EHHADH: variants seen among roughly 807,000 people sequenced by gnomAD.
EHHADH encodes enoyl-CoA hydratase and 3-hydroxyacyl CoA dehydrogenase, also known as peroxisomal bifunctional enzyme.
In EHHADH, 48 loss-of-function variants were observed where a neutral mutation model predicts 64.4. That is an observed-to-expected ratio of 0.75 (90% CI 0.59 to 0.95). The LOEUF is 0.95. EHHADH is among the 40% of genes least tolerant of loss of function. The pLI, the probability that EHHADH is intolerant of heterozygous loss-of-function variation, is 0.00. For missense variants in EHHADH, 854 were observed against 876.6 expected (o/e 0.97, Z 0.33); for synonymous variants, 308 against 326.7 (o/e 0.94, Z 0.62).
chr3:185,249,033 G>A (rs1719672121), intron 1 of EHHADH, among the ~76,000 whole-genome samples: 1 of 152,224 alleles, frequency 6.6e-6, no homozygotes, highest in Non-Finnish European at 1.5e-5. Flanking sequence ...TCTAGGAGCT[G>A]TGGCGGGGGC....
intron 3 of EHHADH, among the ~76,000 whole-genome samples, chr3:185,231,679 C>T (rs1485444600): frequency 1.8e-4 from 27 of 149,662 alleles, no homozygotes; most frequent in African/African-American, 6.1e-4. Flanking sequence ...ACATGCTAAA[C>T]AAAAAAAGCC....
At position 185,245,946 on chromosome 3, in the gene EHHADH, C is replaced by T. The variant is rs1277712571; in HGVS notation, c.178+2468G>A. The T allele has an allele frequency of 4.7e-6, 7 of 1,482,548 alleles. No homozygotes were observed. In the Admixed American group the frequency reaches 1.2e-4, roughly 25 times the overall value. The allele number at this position is 1,482,548 out of a possible 1,614,324, so 91.8% of individuals were successfully genotyped here. On this transcript the variant is annotated intron_variant, in intron 2 of 6. Transcript: ENST00000231887. The stretch of plus-strand genomic sequence containing the variant: ...TATGTGTAGTCTCCTTCTGAGCCTG[C>T]CCAAGCAGGGCCTGTCTGATTACTG...
intron 1 of EHHADH, among the ~76,000 whole-genome samples, chr3:185,249,294 A>G (rs1373956278): frequency 6.6e-6 from 1 of 152,012 alleles, no homozygotes; most frequent in Non-Finnish European, 1.5e-5. Flanking sequence ...ACGTCCGGCT[A>G]ATTTTTTGTA....
At chr3:185,245,777 T>C in intron 2 of EHHADH, 2 of 713,898 alleles carry the variant, frequency 2.8e-6, no homozygotes, top group South Asian at 1.6e-5. Flanking sequence ...TTTACAGATA[T>C]CTGTAAAGTT....
chr3:185,202,993 G>C (rs913841458), intron 6 of EHHADH, among the ~76,000 whole-genome samples: 4 of 151,042 alleles, frequency 2.6e-5, no homozygotes, highest in African/African-American at 9.8e-5. Flanking sequence ...AGGAAGGGGA[G>C]GGGGGGATGG....
At chr3:185,198,317 C>T (rs142989449) in intron 6 of EHHADH, among the ~76,000 whole-genome samples, 3,901 of 152,122 alleles carry the variant, frequency 0.026, 151 homozygotes, top group African/African-American at 0.09. Context: ...CTCCCGAGTT[C>T]AAGCGATTCT....
chr3:185,221,448 T>A (rs756411561), intron 4 of EHHADH, among the ~76,000 whole-genome samples: 1 of 152,202 alleles, frequency 6.6e-6, no homozygotes, highest in African/African-American at 2.4e-5. Context: ...TAACTTGATT[T>A]ATTGAAGGAA....
chr3:185,192,155 G>T lies in EHHADH; in HGVS notation c.*71C>A, dbSNP rs935897134. The T allele has an allele frequency of 1.4e-5, 21 of 1,474,904 alleles. No homozygotes were observed. Among genetic ancestry groups the T allele is most frequent in the Middle Eastern group, 1.8e-4 (1 of 5,568 alleles). 91.4% of individuals were successfully genotyped at this position (1,474,904 alleles called of 1,614,324 possible). A position where few individuals can be genotyped will look rare whatever the true frequency, so the allele number is the denominator to read the frequency against. On this transcript the variant is annotated 3_prime_UTR_variant, in exon 7 of 7. Coordinates refer to ENST00000231887, the MANE Select transcript of EHHADH (RefSeq NM_001966.4). ...CAGAACAATCTTACTTTGGATTTTT[G>T]ATTTAATTTCACTGAAATTCAGTCA...
chr3:185,245,895 T>C (rs536763304), intron 2 of EHHADH: 50 of 1,185,044 alleles, frequency 4.2e-5, no homozygotes, highest in Non-Finnish European at 6.2e-5. Flanking sequence ...CTCATGATGT[T>C]GAACACACAA....
intron 5 of EHHADH, among the ~76,000 whole-genome samples, chr3:185,208,122 A>AAAG (rs1338842559): frequency 6.6e-6 from 1 of 152,200 alleles, no homozygotes; most frequent in Non-Finnish European, 1.5e-5. Flanking sequence ...TGCCCTCTCA[A>AAAG]ATTGGTCACT....
In EHHADH at chr3:185,226,860, T is replaced by A. The variant is rs975895094; in HGVS notation, c.463+2572A>T. On this transcript the variant is annotated intron_variant, in intron 4 of 6. Transcript: ENST00000231887. ...CTGAGAGTCATCTCACTTTGAAAGC[T>A]GTGGGGAAAAGGACATTTTTGAATT... is the stretch of plus-strand genomic sequence containing the variant. 1.8e-4 allele frequency: 27 copies of A among 152,108 alleles called. 1 individual carries two copies. The highest frequency in any genetic ancestry group is 7.2e-4 in the Admixed American group (11 of 15,282). 9.4% of individuals were successfully genotyped at this position (152,108 alleles called of 1,614,324 possible). A position where few individuals can be genotyped will look rare whatever the true frequency, so the allele number is the denominator to read the frequency against.
intron 4 of EHHADH, among the ~76,000 whole-genome samples, chr3:185,221,551 C>T (rs1718831896): frequency 6.7e-6 from 1 of 150,052 alleles, no homozygotes. Flanking sequence ...ATTTTTAATG[C>T]ATATAGCCTC....
chr3:185,230,627 A>C (rs1719126064), intron 3 of EHHADH, among the ~76,000 whole-genome samples: 1 of 146,294 alleles, frequency 6.8e-6, no homozygotes, highest in South Asian at 2.3e-4. Context: ...CATGCTAAAC[A>C]AAAAAAGCCA....
chr3:185,207,146 C>T (rs979005223), intron 5 of EHHADH, among the ~76,000 whole-genome samples: 12 of 151,772 alleles, frequency 7.9e-5, no homozygotes, highest in Non-Finnish European at 1.2e-4. Flanking sequence ...AAAAATTAGC[C>T]GGGCATGGTG....
At position 185,229,503 on chromosome 3, in the gene EHHADH, G is replaced by C. The variant is rs1719096756; in HGVS notation, c.392C>G (p.Pro131Arg). The change falls in exon 4 of 7, where the codon CCT (proline) becomes CGT (arginine). Residue 131 changes from proline (P) to arginine (R), a missense_variant. By Grantham distance (103) the Pro-to-Arg change is moderately radical. Coordinates refer to ENST00000231887, the MANE Select transcript of EHHADH (RefSeq NM_001966.4). ...GAGAAGCTGGGTTCCTCTTGCACCAGGGAGAAGTCCCAGTGTAACTTCTGG... is the reference window on the plus strand; with the variant it reads ...GAGAAGCTGGGTTCCTCTTGCACCACGGAGAAGTCCCAGTGTAACTTCTGG... ...GLPEVTLGLL[P>R]GARGTQLLPR... 6.3e-7 allele frequency: 1 copy of C among 1,576,326 alleles called. No homozygotes were observed. Among genetic ancestry groups the C allele is most frequent in the African/African-American group, 1.3e-5 (1 of 74,276 alleles).
At chr3:185,253,854 C>A in intron 1 of EHHADH, 95 bp downstream of exon 1, 1 of 1,542,464 alleles carries the variant, frequency 6.5e-7, no homozygotes, top group Non-Finnish European at 8.8e-7. Flanking sequence ...GTGTCCTTCT[C>A]GGTTTAAACC....
intron 6 of EHHADH, 109 bp downstream of exon 6, chr3:185,204,307 C>G: frequency 1.0e-6 from 1 of 1,000,196 alleles, no homozygotes; most frequent in African/African-American, 1.6e-5. Flanking sequence ...GCTTAGCTAA[C>G]ACAAGTAATG....
At chr3:185,202,084 C>T (rs2269230) in intron 6 of EHHADH, among the ~76,000 whole-genome samples, 140,469 of 152,322 alleles carry the variant, frequency 0.92, 65,066 homozygotes, top group African/African-American at 0.98. Flanking sequence ...ACGCCTGTAA[C>T]TCCAGCACTT....
In EHHADH at chr3:185,216,195, A is replaced by G. The variant is rs779277742; in HGVS notation, c.568+1941T>C. 1.3e-4 allele frequency among the ~76,000 whole-genome samples: 20 copies of G among 152,220 alleles called. No homozygotes were observed. Among genetic ancestry groups the G allele is most frequent in the Admixed American group, 3.3e-4 (5 of 15,284 alleles). On this transcript the variant is annotated intron_variant, in intron 5 of 6. Coordinates refer to ENST00000231887, the MANE Select transcript of EHHADH (RefSeq NM_001966.4). The surrounding 1 kb of genome is among the most constrained non-coding windows in gnomAD (Gnocchi z 5.3). ...AATAAATTAAAGTTATAACCAGACC[A>G]TTTTAGAAATGTAGCTAAGGTTGAG...
Sources: allele counts gnomAD v4.1 joint callset (sites outside exome capture counted in the v4.1 genomes callset), GRCh38; gene constraint gnomAD v4.1.1; non-coding constraint Gnocchi (gnomAD v3.1); transcripts MANE v1.5; gene names NCBI Gene and HGNC (gene_info 2026-07-23, HGNC 2026-07-21).